EDEM1: variants seen among roughly 807,000 people sequenced by gnomAD.
The protein encoded by EDEM1 is ER degradation enhancing alpha-mannosidase like protein 1, also known as ER degradation-enhancing alpha-mannosidase-like protein 1.
EDEM1 carries 67 observed loss-of-function variants against 74.4 expected under a neutral mutation model. The ratio of observed to expected loss-of-function variants is 0.90; its 90% confidence interval spans 0.74 to 1.10. The LOEUF (loss-of-function observed/expected upper bound fraction) is 1.10, where lower values mean the gene tolerates loss of function less well. Among genes scored for constraint, EDEM1 ranks in the 50% least tolerant of loss-of-function variants. The pLI, the probability that EDEM1 is intolerant of heterozygous loss-of-function variation, is 0.00. For missense variants in EDEM1, 926 were observed against 851.6 expected (o/e 1.09, Z -1.09); for synonymous variants, 382 against 335.9 (o/e 1.14, Z -1.50).
Position 5,188,071 on chromosome 3 carries a change from G to C in EDEM1, c.266G>C (p.Arg89Pro), listed in dbSNP as rs1432839708. Residue 89 changes from arginine (R) to proline (P), a missense_variant, in exon 1 of 12, where the codon CGT becomes CCT. Transcript: ENST00000256497. ...AAQSPRKAPR[R>P]PGPGMCGPAN... ...CAGAGCCCGCGCAAGGCTCCGCGGC[G>C]TCCTGGGCCGGGGATGTGCGGCCCA... 1 of 1,468,696 alleles carries C rather than the reference G, an allele frequency of 6.8e-7. No individual in the cohort carries two copies. Among genetic ancestry groups the C allele is most frequent in the Non-Finnish European group, 9.0e-7 (1 of 1,109,306 alleles). The allele number at this position is 1,468,696 out of a possible 1,614,324, so 91.0% of individuals were successfully genotyped here.
rs752929657 is a variant in EDEM1, at chr3:5,208,082, CCT to C, written c.1339-7_1339-6del. On this transcript the variant is annotated splice_polypyrimidine_tract_variant and intron_variant, in intron 7 of 11. Transcript: ENST00000256497. The stretch of plus-strand genomic sequence containing the variant: ...GGTATCTCAGCCTGATGACCTGTGT[CCT>C]CTCCTTAGGTGCTGATAGGAGATGT... 1 of 1,587,750 alleles carries C rather than the reference CCT, an allele frequency of 6.3e-7. No individual in the cohort carries two copies. Among genetic ancestry groups the C allele is most frequent in the Non-Finnish European group, 8.5e-7 (1 of 1,170,382 alleles).
chr3:5,202,729 C>G (rs76230408), intron 4 of EDEM1, among the ~76,000 whole-genome samples: 1,951 of 152,320 alleles, frequency 0.013, 33 homozygotes, highest in African/African-American at 0.045. Flanking sequence ...AGTGTTATAG[C>G]CATTCCCTGA....
chr3:5,218,939 T>A lies in EDEM1; in HGVS notation c.*3021T>A, dbSNP rs569262451. 4.6e-5 allele frequency: 7 copies of A among 152,298 alleles called. No homozygotes were observed. Among genetic ancestry groups the A allele is most frequent in the African/African-American group, 1.7e-4 (7 of 41,564 alleles). 9.4% of individuals were successfully genotyped at this position (152,298 alleles called of 1,614,324 possible). ...TTTTCTTGTTTTAGATCATGGACTG[T>A]GCACGTGACACTTAAATAATTTTCT... On this transcript the variant is annotated 3_prime_UTR_variant, in exon 12 of 12. Coordinates refer to ENST00000256497, the MANE Select transcript of EDEM1 (RefSeq NM_014674.3).
Position 5,207,150 on chromosome 3 carries a change from C to T in EDEM1, c.1218-3C>T, listed in dbSNP as rs779914403. On this transcript the variant is annotated splice_polypyrimidine_tract_variant and splice_region_variant and intron_variant, in intron 6 of 11. Transcript: ENST00000256497. ...CCACTGAATGTGCTGCTTGGGTTTGCAGGCGGGAAGCCTGCAATGAAGGAG... is the reference window on the plus strand; with the variant it reads ...CCACTGAATGTGCTGCTTGGGTTTGTAGGCGGGAAGCCTGCAATGAAGGAG... The T allele has an allele frequency of 1.2e-6, 2 of 1,613,748 alleles. No individual in the cohort carries two copies. The highest frequency in any genetic ancestry group is 4.5e-5 in the East Asian group (2 of 44,856).
In EDEM1 at chr3:5,199,587, T is replaced by C. The variant is rs1161802937; in HGVS notation, c.583-5T>C. 1 of 1,607,388 alleles carries C rather than the reference T, an allele frequency of 6.2e-7. No individual in the cohort carries two copies. Among genetic ancestry groups the C allele is most frequent in the Non-Finnish European group, 8.5e-7 (1 of 1,175,224 alleles). On this transcript the variant is annotated splice_region_variant and splice_polypyrimidine_tract_variant and intron_variant, in intron 2 of 11. Coordinates refer to ENST00000256497, the MANE Select transcript of EDEM1 (RefSeq NM_014674.3). ...CTGTAATGACCTGTGTTCCTCTTTT[T>C]AAAGATAATGGGAAATTCATCCGAG... is the stretch of plus-strand genomic sequence containing the variant.
At chr3:5,193,026 A>G (rs1249879829) in intron 1 of EDEM1, among the ~76,000 whole-genome samples, 1 of 152,086 alleles carries the variant, frequency 6.6e-6, no homozygotes, top group Non-Finnish European at 1.5e-5. Flanking sequence ...TACAAGGCAA[A>G]GCACAATAAA....
intron 1 of EDEM1, among the ~76,000 whole-genome samples, chr3:5,189,870 A>G (rs555748330): frequency 2.0e-5 from 3 of 152,224 alleles, no homozygotes; most frequent in Non-Finnish European, 4.4e-5. Flanking sequence ...AAGTGCTGGG[A>G]TTACAGGCGT....
At chr3:5,213,583 T>C in intron 11 of EDEM1, 61 bp downstream of exon 11, 1 of 1,482,552 alleles carries the variant, frequency 6.7e-7, no homozygotes, top group Non-Finnish European at 9.1e-7. Flanking sequence ...TATGAATTGC[T>C]TAGTTGTTCA....
chr3:5,205,246 G>A lies in EDEM1; in HGVS notation c.1217+5G>A, dbSNP rs1448354571. On this transcript the variant is annotated splice_donor_5th_base_variant and intron_variant, in intron 6 of 11. Transcript: ENST00000256497. ...TCAGAACTACTTAAGAAGAGGGTAT[G>A]TCTCCCTAACATCTCCTCTGTTGCC... 1 of 1,611,542 alleles carries A rather than the reference G, an allele frequency of 6.2e-7. No individual in the cohort carries two copies. The highest frequency in any genetic ancestry group is 1.7e-5 in the Admixed American group (1 of 59,746).
At chr3:5,211,276 A>T in intron 10 of EDEM1, 60 bp downstream of exon 10, 1 of 1,493,564 alleles carries the variant, frequency 6.7e-7, no homozygotes, top group Non-Finnish European at 9.3e-7. Context: ...AAGCATTCGC[A>T]TAGTCTTCCA....
At chr3:5,195,603 C>T (rs764925454) in intron 2 of EDEM1, among the ~76,000 whole-genome samples, 3 of 152,118 alleles carry the variant, frequency 2.0e-5, no homozygotes, top group Admixed American at 1.3e-4. Context: ...TAATTATAGT[C>T]GTTGCTATTC....
In EDEM1 at chr3:5,219,891, A is replaced by G. The variant is rs2055292847; in HGVS notation, c.*3973A>G. 6.6e-6 allele frequency: 1 copy of G among 152,648 alleles called. No homozygotes were observed. Among genetic ancestry groups the G allele is most frequent in the African/African-American group, 2.4e-5 (1 of 41,456 alleles). The allele number at this position is 152,648 out of a possible 1,614,324, so 9.5% of individuals were successfully genotyped here. A position where few individuals can be genotyped will look rare whatever the true frequency, so the allele number is the denominator to read the frequency against. On this transcript the variant is annotated 3_prime_UTR_variant, in exon 12 of 12. Transcript: ENST00000256497. ...TGTTCTTTTATAAATGTAATAAGGA[A>G]TATCTTGCTCTTTAAAATTTATTAG...
rs1156244040 is a variant in EDEM1, at chr3:5,187,858, A to G, written c.53A>G (p.His18Arg). 6.3e-7 allele frequency: 1 copy of G among 1,597,228 alleles called. No homozygotes were observed. Among genetic ancestry groups the G allele is most frequent in the Non-Finnish European group, 8.5e-7 (1 of 1,173,200 alleles). Residue 18 changes from histidine (H) to arginine (R), a missense_variant, in exon 1 of 12, where the codon CAT becomes CGT. His to Arg is a conservative substitution (Grantham distance 29, BLOSUM62 0). Coordinates refer to ENST00000256497, the MANE Select transcript of EDEM1 (RefSeq NM_014674.3). ...CTGGTGCTCCTCCGGCTTGGCCTCCATGGAGTATTGTGGCTCGTCTTCGGG... is the reference window on the plus strand; with the variant it reads ...CTGGTGCTCCTCCGGCTTGGCCTCCGTGGAGTATTGTGGCTCGTCTTCGGG... Reference protein sequence around the residue: ...LGLVLLRLGLHGVLWLVFGLG... With the variant: ...LGLVLLRLGLRGVLWLVFGLG...
At chr3:5,188,704 GC>G (rs201919825) in intron 1 of EDEM1, among the ~76,000 whole-genome samples, 1 of 152,278 alleles carries the variant, frequency 6.6e-6, no homozygotes. Context: ...TCTCCATCAT[GC>G]CCCCCGTGTA....
At position 5,215,999 on chromosome 3, in the gene EDEM1, A is replaced by T; in HGVS notation, c.*81A>T. On this transcript the variant is annotated 3_prime_UTR_variant, in exon 12 of 12. Transcript: ENST00000256497. Reference sequence around the variant, plus strand: ...ATGCCAAAGTCCAGTCTGAAATGAAAGGGGACAGAAGTCTTGCTGTCCATG... The same window carrying T: ...ATGCCAAAGTCCAGTCTGAAATGAATGGGGACAGAAGTCTTGCTGTCCATG... The T allele has an allele frequency of 8.5e-7, 1 of 1,176,560 alleles. No individual in the cohort carries two copies. Among genetic ancestry groups the T allele is most frequent in the South Asian group, 1.3e-5 (1 of 74,468 alleles). The allele number at this position is 1,176,560 out of a possible 1,614,324, so 72.9% of individuals were successfully genotyped here. A position where few individuals can be genotyped will look rare whatever the true frequency, so the allele number is the denominator to read the frequency against.
At chr3:5,205,283 A>G (rs775119189) in intron 6 of EDEM1, 42 bp downstream of exon 6, 3 of 1,575,862 alleles carry the variant, frequency 1.9e-6, no homozygotes, top group South Asian at 1.1e-5. Flanking sequence ...TGTAAAGCAA[A>G]TAGAATGCAT....
At chr3:5,204,756 G>A (rs2055075163) in intron 5 of EDEM1, among the ~76,000 whole-genome samples, 1 of 152,142 alleles carries the variant, frequency 6.6e-6, no homozygotes, top group Non-Finnish European at 1.5e-5. Flanking sequence ...CTGGGTTAAA[G>A]TCTGTGAAAA....
At chr3:5,192,993 CTG>C (rs112064655) in intron 1 of EDEM1, among the ~76,000 whole-genome samples, 88 of 150,526 alleles carry the variant, frequency 5.8e-4, no homozygotes, top group African/African-American at 1.8e-3. Flanking sequence ...TATTTTAAAA[CTG>C]GGTCTATTTT....
At chr3:5,207,083 G>A in intron 6 of EDEM1, 70 bp from the exon 7 acceptor site, 1 of 1,574,310 alleles carries the variant, frequency 6.4e-7, no homozygotes. Context: ...ACTACCAGCA[G>A]CTGCTGGAGA....
Sources: allele counts gnomAD v4.1 joint callset (sites outside exome capture counted in the v4.1 genomes callset), GRCh38; gene constraint gnomAD v4.1.1; transcripts MANE v1.5; gene names NCBI Gene and HGNC (gene_info 2026-07-23, HGNC 2026-07-21).